Variants in MRGPRX1 observed in about 807,000 individuals in gnomAD.
MRGPRX1 encodes mas-related G protein-coupled receptor member X1.
For missense variants in MRGPRX1, 411 were observed against 393.8 expected, an observed-to-expected ratio of 1.04 and a Z score of -0.37; for synonymous variants, 208 against 170.4, an observed-to-expected ratio of 1.22 and a Z score of -1.72.
Position 18,933,545 on chromosome 11 carries a change from A to AG in MRGPRX1, c.*270dup, listed in dbSNP as rs565911277. On this transcript the variant is annotated 3_prime_UTR_variant, in exon 2 of 2. Coordinates refer to ENST00000526914, the MANE Select transcript of MRGPRX1 (RefSeq NM_001393578.1). The stretch of plus-strand genomic sequence containing the variant: ...CTCCTTTTATTACAAAGAAAATTGC[A>AG]GAAAAAGTGTTCTGTAGGAAAGATT... 2.1e-4 allele frequency among the ~76,000 whole-genome samples: 32 copies of AG among 151,670 alleles called. 1 individual carries two copies. The South Asian group carries it at 6.7e-3, about 32-fold the overall frequency.
At chr11:18,935,439 G>C (rs896158795) in intron 1 of MRGPRX1, among the ~76,000 whole-genome samples, 2 of 151,506 alleles carry the variant, frequency 1.3e-5, no homozygotes, top group Non-Finnish European at 2.9e-5. Context: ...GTAGATTTGG[G>C]TGAAATGGAA....
At position 18,934,736 on chromosome 11, in the gene MRGPRX1, C is replaced by G. The variant is rs1590005053; in HGVS notation, c.49G>C (p.Gly17Arg). 2 of 1,603,542 alleles carry G rather than the reference C, an allele frequency of 1.2e-6. No individual in the cohort carries two copies. Among genetic ancestry groups the G allele is most frequent in the East Asian group, 2.2e-5 (1 of 44,730 alleles). ...TTGTAGCAAAGAGTCTCCTCAGTTC[C>G]GTTGATTGGTGTCAGTTCTGTGTCC... ...TLDTELTPINGTEETLCYKQT... is the reference protein window; with the variant it reads ...TLDTELTPINRTEETLCYKQT... Residue 17 changes from glycine to arginine, a missense_variant, in exon 2 of 2, where the codon GGA becomes CGA. Gly to Arg is a moderately radical substitution (Grantham distance 125). Transcript: ENST00000526914.
At chr11:18,935,598 T>G (rs1176613612) in intron 1 of MRGPRX1, among the ~76,000 whole-genome samples, 3 of 151,480 alleles carry the variant, frequency 2.0e-5, no homozygotes, top group Non-Finnish European at 4.4e-5. Context: ...AATTGACCAC[T>G]GATGTGCCTT....
rs769458119 is a variant in MRGPRX1, at chr11:18,934,293, C to T, written c.492G>A (p.Leu164=). The T allele has an allele frequency of 3.7e-6, 6 of 1,610,568 alleles. No homozygotes were observed. In the South Asian group the frequency reaches 4.4e-5, roughly 12 times the overall value. The change falls in exon 2 of 2, where the codon CTG becomes CTA. Residue 164 remains leucine (L), a synonymous_variant. Coordinates refer to ENST00000526914, the MANE Select transcript of MRGPRX1 (RefSeq NM_001393578.1). ...ACCAAGCAGAATCAGCACCACTGAA[C>T]AGGAAGCCACATAACATCCACTCCA... ...SILEWMLCGF[L]FSGADSAWCQ... is the part of the protein sequence containing the mutation.
In MRGPRX1 at chr11:18,934,057, T is replaced by A. The variant is rs547872486; in HGVS notation, c.728A>T (p.His243Leu). The A allele has an allele frequency of 4.0e-5, 64 of 1,610,696 alleles. 2 individuals carry two copies. The East Asian group carries it at 1.4e-3, about 35-fold the overall frequency. ...GIQFFLFLWI[H>L]VDREVLFCHV... The stretch of plus-strand genomic sequence containing the variant: ...ACAAAATAAGACTTCCCTGTCCACG[T>A]GGATCCATAAAAATAGGAAAAACTG... Residue 243 changes from histidine to leucine, a missense_variant, in exon 2 of 2, where the codon CAC becomes CTC. Coordinates refer to ENST00000526914, the MANE Select transcript of MRGPRX1 (RefSeq NM_001393578.1).
chr11:18,936,586 A>G (rs1247589225), intron 1 of MRGPRX1, among the ~76,000 whole-genome samples: 1 of 151,250 alleles, frequency 6.6e-6, no homozygotes, highest in Non-Finnish European at 1.5e-5. Flanking sequence ...TGCTTGGCCC[A>G]AAAAGGAAAT....
Position 18,938,131 on chromosome 11 carries a change from AC to A in MRGPRX1, c.-26+1148del, listed in dbSNP as rs1848855318. On this transcript the variant is annotated intron_variant, in intron 1 of 1. Transcript: ENST00000526914. ...TGGTGGAATTGAGACACTGGGAGAC[AC>A]CTGGATGAGACTGGAAGACAGCAGG... Among the ~76,000 whole-genome samples the A allele has an allele frequency of 2.0e-5, 3 of 151,694 alleles. No individual in the cohort carries two copies. In the South Asian group the frequency reaches 6.3e-4, roughly 32 times the overall value.
At chr11:18,938,222 A>T (rs904384757) in intron 1 of MRGPRX1, among the ~76,000 whole-genome samples, 1 of 151,692 alleles carries the variant, frequency 6.6e-6, no homozygotes, top group South Asian at 2.1e-4. Context: ...TTGAATTGCT[A>T]CAAAGAAATA....
rs754939428 is a variant in MRGPRX1 at position 18,934,335 on chromosome 11, G to A, written c.450C>T (p.Ser150=). 1.2e-6 allele frequency: 2 copies of A among 1,610,870 alleles called. No individual in the cohort carries two copies. The highest frequency in any genetic ancestry group is 1.7e-6 in the Non-Finnish European group (2 of 1,178,188). Residue 150 remains serine (S), a synonymous_variant, in exon 2 of 2, where the codon TCC becomes TCT. Coordinates refer to ENST00000526914, the MANE Select transcript of MRGPRX1 (RefSeq NM_001393578.1). ...AVVCVLLWAL[S]LLRSILEWML... ...TCCACTCCAGGATGCTCCGCAGCAG[G>A]GACAGGGCCCAGAGCAGGACACACA...
rs141178155 is a variant in MRGPRX1, at chr11:18,934,553, C to A, written c.232G>T (p.Gly78Cys). ...LAAADFLFLS[G>C]RLIYSLLSFI... ...CTTAACAGGGAATATATAAGGCGGC[C>A]GCTGAGGAAGAGGAAGTCTGCTGCG... The change falls in exon 2 of 2, where the codon GGC (glycine) becomes TGC (cysteine). Residue 78 changes from glycine (G) to cysteine (C), a missense_variant. Physicochemically the swap from Gly to Cys is radical, Grantham distance 159. Coordinates refer to ENST00000526914, the MANE Select transcript of MRGPRX1 (RefSeq NM_001393578.1). 6.2e-7 allele frequency: 1 copy of A among 1,609,646 alleles called. No individual in the cohort carries two copies. Among genetic ancestry groups the A allele is most frequent in the Non-Finnish European group, 8.5e-7 (1 of 1,177,744 alleles).
rs1292583778 is a variant in MRGPRX1 at position 18,938,482 on chromosome 11, G to A, written c.-26+798C>T. Reference sequence around the variant, plus strand: ...ACTATCACTAAGGCAATACCGAAGGGGGATAGTGTTAAGCCATTTATGAGA... The same window carrying A: ...ACTATCACTAAGGCAATACCGAAGGAGGATAGTGTTAAGCCATTTATGAGA... On this transcript the variant is annotated intron_variant, in intron 1 of 1. Coordinates refer to ENST00000526914, the MANE Select transcript of MRGPRX1 (RefSeq NM_001393578.1). Among the ~76,000 whole-genome samples the A allele has an allele frequency of 2.6e-5, 4 of 151,344 alleles. No homozygotes were observed. In the East Asian group the frequency reaches 7.8e-4, roughly 29 times the overall value.
At chr11:18,935,869 T>C (rs1250767607) in intron 1 of MRGPRX1, among the ~76,000 whole-genome samples, 1 of 151,446 alleles carries the variant, frequency 6.6e-6, no homozygotes, top group Non-Finnish European at 1.5e-5. Context: ...GTTTCTTTGT[T>C]GATGCAAACA....
chr11:18,934,775 T>C lies in MRGPRX1; in HGVS notation c.10A>G (p.Thr4Ala). Residue 4 changes from threonine (T) to alanine (A), a missense_variant, in exon 2 of 2, where the codon ACC (threonine) becomes GCC (alanine). Physicochemically the swap from Thr to Ala is moderately conservative, Grantham distance 58. Transcript: ENST00000526914. ...AGTTCTGTGTCCAAGGTTGAGATGGTTGGATCCATGCTCAGAAACCCTAGT... is the reference window on the plus strand; with the variant it reads ...AGTTCTGTGTCCAAGGTTGAGATGGCTGGATCCATGCTCAGAAACCCTAGT... MDP[T>A]ISTLDTELTP... 6.4e-7 allele frequency: 1 copy of C among 1,572,878 alleles called. No homozygotes were observed. Among genetic ancestry groups the C allele is most frequent in the Non-Finnish European group, 8.6e-7 (1 of 1,158,712 alleles).
rs1462952803 is a variant in MRGPRX1, at chr11:18,939,369, C to T, written c.-115G>A. The stretch of plus-strand genomic sequence containing the variant: ...CTGGGATTCAGTGACTTCAGAGAAC[C>T]CTTCTGTGTTGCTTAATTCAGGAGA... On this transcript the variant is annotated 5_prime_UTR_variant, in exon 1 of 2. Transcript: ENST00000526914. 5 of 151,694 alleles carry T rather than the reference C, an allele frequency of 3.3e-5. 1 individual carries two copies. The highest frequency in any genetic ancestry group is 3.9e-4 in the East Asian group (2 of 5,156). The allele number at this position is 151,694 out of a possible 1,614,324, so 9.4% of individuals were successfully genotyped here. A position where few individuals can be genotyped will look rare whatever the true frequency, so the allele number is the denominator to read the frequency against.
intron 1 of MRGPRX1, among the ~76,000 whole-genome samples, chr11:18,937,972 G>A (rs1184252396): frequency 2.6e-5 from 4 of 151,470 alleles, no homozygotes; most frequent in African/African-American, 9.7e-5. Context: ...GGAATTAGGA[G>A]GATATAAGAA....
In MRGPRX1 at chr11:18,934,239, C is replaced by G. The variant is rs376242902; in HGVS notation, c.546G>C (p.Ala182=). 4 of 1,610,370 alleles carry G rather than the reference C, an allele frequency of 2.5e-6. 1 individual carries two copies. Among genetic ancestry groups the G allele is most frequent in the African/African-American group, 2.7e-5 (2 of 74,610 alleles). The change falls in exon 2 of 2, where the codon GCG becomes GCC. Residue 182 remains alanine, a synonymous_variant. Coordinates refer to ENST00000526914, the MANE Select transcript of MRGPRX1 (RefSeq NM_001393578.1). ...GAACCACACATAAAAAAATCAGCCACGCGACTGTGATGAAATCTGATGTTT... is the reference window on the plus strand; with the variant it reads ...GAACCACACATAAAAAAATCAGCCAGGCGACTGTGATGAAATCTGATGTTT... The part of the protein sequence containing the change: ...WCQTSDFITV[A]WLIFLCVVLC...
chr11:18,935,592 G>A (rs1480072141), intron 1 of MRGPRX1, among the ~76,000 whole-genome samples: 1 of 151,482 alleles, frequency 6.6e-6, no homozygotes, highest in Non-Finnish European at 1.5e-5. Flanking sequence ...ACCTGAAATT[G>A]ACCACTGATG....
intron 1 of MRGPRX1, among the ~76,000 whole-genome samples, chr11:18,936,163 G>A (rs552227851): frequency 6.6e-6 from 1 of 151,076 alleles, no homozygotes; most frequent in Non-Finnish European, 1.5e-5. Flanking sequence ...AGCCCAGCAG[G>A]GCTGACTCAT....
intron 1 of MRGPRX1, among the ~76,000 whole-genome samples, chr11:18,938,827 A>C (rs558034944): frequency 6.6e-6 from 1 of 151,626 alleles, no homozygotes; most frequent in South Asian, 2.1e-4. Context: ...ACATCTTTGT[A>C]AATACTTCCC....
Sources: allele counts gnomAD v4.1 joint callset (sites outside exome capture counted in the v4.1 genomes callset), GRCh38; gene constraint gnomAD v4.1.1; transcripts MANE v1.5; gene names NCBI Gene and HGNC (gene_info 2026-07-23, HGNC 2026-07-21).